MIAT: variants seen among roughly 807,000 people sequenced by gnomAD.
MIAT encodes the protein myocardial infarction associated transcript, also known as MI related novel mRNA.
At chr22:26,655,697 G>A (rs189574847) in intron 2 of MIAT, among the ~76,000 whole-genome samples, 3 of 152,280 alleles carry the variant, frequency 2.0e-5, no homozygotes, top group African/African-American at 4.8e-5. Flanking sequence ...TCTGAAGGTC[G>A]CTGGAATGTT....
chr22:26,648,442 C>A (rs1196691430), intron 2 of MIAT, among the ~76,000 whole-genome samples: 1 of 152,058 alleles, frequency 6.6e-6, no homozygotes, highest in Non-Finnish European at 1.5e-5. Context: ...CAGGGGGAGG[C>A]TCCCTGCGAC....
chr22:26,667,434 G>A (rs1930894089), intron 5 of MIAT: 3 of 391,812 alleles, frequency 7.7e-6, no homozygotes, highest in Non-Finnish European at 1.3e-5. Flanking sequence ...GTATGCGCGC[G>A]TGTGTGTGTA....
At chr22:26,668,064 T>C in intron 5 of MIAT, 2 of 397,726 alleles carry the variant, frequency 5.0e-6, no homozygotes, top group Admixed American at 4.4e-5. Context: ...TCTCTGAACA[T>C]GAGTCCCCTC....
intron 2 of MIAT, among the ~76,000 whole-genome samples, chr22:26,661,690 A>G (rs1031574072): frequency 6.6e-6 from 1 of 151,916 alleles, no homozygotes; most frequent in African/African-American, 2.4e-5. Context: ...ACTCTGAAAC[A>G]TGTGTTTGTA....
downstream of MIAT, chr22:26,671,276 T>C: frequency 7.5e-6 from 3 of 398,330 alleles, no homozygotes; most frequent in Non-Finnish European, 1.3e-5. Context: ...GTCCATGTGG[T>C]TAGGGTTGAT....
chr22:26,653,379 C>A (rs555507284), intron 2 of MIAT, among the ~76,000 whole-genome samples: 46 of 152,302 alleles, frequency 3.0e-4, no homozygotes, highest in Admixed American at 6.5e-4. Context: ...GCCACGGTAT[C>A]CTCTAATGGT....
chr22:26,667,789 C>T (rs1199919965), intron 5 of MIAT: 1 of 173,666 alleles, frequency 5.8e-6, no homozygotes, highest in African/African-American at 2.4e-5. Context: ...ATACATCCTC[C>T]CACCTCAGCC....
chr22:26,656,984 C>T (rs1266799070), intron 2 of MIAT, among the ~76,000 whole-genome samples: 1 of 152,246 alleles, frequency 6.6e-6, no homozygotes, highest in South Asian at 2.1e-4. Context: ...ATGCTGTACA[C>T]GCATGAAGTT....
exon 1 of MIAT, chr22:26,646,579 A>C (rs948224165): frequency 2.5e-5 from 10 of 398,412 alleles, no homozygotes; most frequent in African/African-American, 1.0e-4. Context: ...GATTGTTGAG[A>C]CTGAAATTTG....
chr22:26,667,997 T>A, intron 5 of MIAT: 1 of 396,118 alleles, frequency 2.5e-6, no homozygotes, highest in Non-Finnish European at 4.4e-6. Context: ...ATGTTTCATG[T>A]CCAAAACCCT....
At chr22:26,654,319 T>C (rs1930386756) in intron 2 of MIAT, among the ~76,000 whole-genome samples, 1 of 152,150 alleles carries the variant, frequency 6.6e-6, no homozygotes, top group Non-Finnish European at 1.5e-5. Flanking sequence ...CCCCAGGGTA[T>C]AGGATGAAGT....
At chr22:26,675,428 G>C in exon 5 of MIAT, 1 of 398,666 alleles carries the variant, frequency 2.5e-6, no homozygotes, top group Non-Finnish European at 4.4e-6. Flanking sequence ...GTGGATTTGA[G>C]TTTTAGGCTG....
chr22:26,664,748 C>A (rs1374024282), intron 3 of MIAT, among the ~76,000 whole-genome samples: 1 of 152,186 alleles, frequency 6.6e-6, no homozygotes, highest in African/African-American at 2.4e-5. Flanking sequence ...CTTTTCCATT[C>A]ATCAAGATAG....
downstream of MIAT, chr22:26,673,387 C>T (rs1038711982): frequency 4.5e-5 from 18 of 398,918 alleles, no homozygotes; most frequent in Non-Finnish European, 6.6e-5. Context: ...CAGCTAATCC[C>T]TGCCTCACCC....
At chr22:26,674,355 G>C (rs1931180894), downstream of MIAT, 1 of 398,788 alleles carries the variant, frequency 2.5e-6, no homozygotes, top group African/African-American at 2.1e-5. Context: ...AGGGATTCCA[G>C]GTGCAGGTAA....
chr22:26,650,491 A>G (rs1410729476), intron 2 of MIAT: 2 of 152,074 alleles, frequency 1.3e-5, no homozygotes, highest in East Asian at 3.8e-4. Flanking sequence ...TGGTACCAAT[A>G]CCTCCTAAAT....
exon 6 of MIAT, chr22:26,669,391 T>G (rs1002870025): frequency 2.5e-6 from 1 of 398,538 alleles, no homozygotes; most frequent in African/African-American, 2.1e-5. Flanking sequence ...CCTCTCTCCT[T>G]GGCTTGCAGG....
chr22:26,663,398 G>A (rs1930738320), exon 3 of MIAT: 1 of 398,674 alleles, frequency 2.5e-6, no homozygotes, highest in Non-Finnish European at 4.4e-6. Flanking sequence ...GGGTAACCAA[G>A]GTGATCCTCC....
chr22:26,676,272 A>G, exon 5 of MIAT: 2 of 398,562 alleles, frequency 5.0e-6, no homozygotes, highest in Non-Finnish European at 8.8e-6. Context: ...GTTTTACTTT[A>G]ACAGACCAGA....
Sources: allele counts gnomAD v4.1 joint callset (sites outside exome capture counted in the v4.1 genomes callset), GRCh38; gene constraint gnomAD v4.1.1; transcripts MANE v1.5; gene names NCBI Gene and HGNC (gene_info 2026-07-23, HGNC 2026-07-21).